MRPS27: variants seen among roughly 807,000 people sequenced by gnomAD.
MRPS27 encodes small ribosomal subunit protein mS27.
Under a neutral mutation model 48.9 loss-of-function variants are expected in MRPS27, and 43 were observed. The ratio of observed to expected loss-of-function variants is 0.88; its 90% CI spans 0.69 to 1.13. MRPS27 has a LOEUF of 1.13. Ranked by LOEUF, MRPS27 falls within the 50% of genes most tolerant of loss-of-function variation. The pLI is 0.00. For missense variants in MRPS27, 467 were observed against 476.3 expected (o/e 0.98, Z 0.18); for synonymous variants, 188 against 171.9 (o/e 1.09, Z -0.73).
intron 4 of MRPS27, among the ~76,000 whole-genome samples, chr5:72,272,711 G>A (rs540255730): frequency 2.0e-5 from 3 of 152,298 alleles, no homozygotes; most frequent in South Asian, 4.1e-4. Flanking sequence ...CTGTGAGTCT[G>A]CCATGGAACC....
chr5:72,241,721 A>T (rs1206696596), intron 4 of MRPS27: 1 of 1,531,726 alleles, frequency 6.5e-7, no homozygotes, highest in Non-Finnish European at 8.7e-7. Flanking sequence ...AAAAGAATAC[A>T]ACTAACACAT....
At chr5:72,294,560 A>T (rs1445922506) in intron 4 of MRPS27, 3 of 152,184 alleles carry the variant, frequency 2.0e-5, no homozygotes, top group African/African-American at 7.2e-5. Flanking sequence ...TACTTGTTTG[A>T]CCAGTTCTTT....
intron 8 of MRPS27, chr5:72,227,986 C>G: frequency 2.3e-6 from 1 of 441,110 alleles, no homozygotes; most frequent in East Asian, 3.4e-5. Context: ...CCAGAACATC[C>G]CTTTCTTTAT....
At chr5:72,221,964 C>A (rs1747756560) in intron 10 of MRPS27, among the ~76,000 whole-genome samples, 1 of 152,042 alleles carries the variant, frequency 6.6e-6, no homozygotes, top group Non-Finnish European at 1.5e-5. Flanking sequence ...AGAGAGAGGG[C>A]CACTTACGGG....
intron 4 of MRPS27, among the ~76,000 whole-genome samples, chr5:72,271,841 A>G (rs538880306): frequency 6.8e-4 from 103 of 152,324 alleles, no homozygotes; most frequent in African/African-American, 2.4e-3. Context: ...TTAAAAAAGG[A>G]GCACGTGCCA....
chr5:72,250,028 T>A (rs1354339960), intron 4 of MRPS27, among the ~76,000 whole-genome samples: 2 of 152,182 alleles, frequency 1.3e-5, no homozygotes, highest in African/African-American at 4.8e-5. Flanking sequence ...AAACTCCAAG[T>A]ATTTTTTGAG....
chr5:72,229,215 T>C (rs949694040), intron 7 of MRPS27: 1 of 152,178 alleles, frequency 6.6e-6, no homozygotes, highest in African/African-American at 2.4e-5. Context: ...TGCACTGGTC[T>C]CTGCACCAAG....
intron 2 of MRPS27, among the ~76,000 whole-genome samples, chr5:72,299,389 A>G (rs752427160): frequency 4.6e-5 from 7 of 152,118 alleles, no homozygotes; most frequent in Non-Finnish European, 8.8e-5. Flanking sequence ...AAGGAGACAC[A>G]AGCAAGTGTA....
chr5:72,238,116 G>T lies in MRPS27; in HGVS notation c.294C>A (p.Ser98Arg). 2 of 1,613,092 alleles carry T rather than the reference G, an allele frequency of 1.2e-6. No individual in the cohort carries two copies. Among genetic ancestry groups the T allele is most frequent in the Non-Finnish European group, 1.7e-6 (2 of 1,179,312 alleles). ...AEYYLYKFRH[S>R]PNCWYLRNWT... is the part of the protein sequence containing the mutation. Reference sequence around the variant, plus strand: ...AGTTTCTCAGGTACCAGCAGTTGGGGCTGTGTCGAAACCTAAATAAGCACA... The same window carrying T: ...AGTTTCTCAGGTACCAGCAGTTGGGTCTGTGTCGAAACCTAAATAAGCACA... Residue 98 changes from serine to arginine, a missense_variant, in exon 5 of 11, where the codon AGC becomes AGA. Transcript: ENST00000261413.
chr5:72,311,423 C>T lies in MRPS27; in HGVS notation c.151+2658G>A, dbSNP rs374753802. Among the ~76,000 whole-genome samples the T allele has an allele frequency of 3.3e-5, 5 of 152,288 alleles. No individual in the cohort carries two copies. The East Asian group carries it at 9.6e-4, about 29-fold the overall frequency. On this transcript the variant is annotated intron_variant, in intron 2 of 10. Transcript: ENST00000261413. Reference sequence around the variant, plus strand: ...GCGCTGTGGTTTAAATATTTGTCTCCTCTGAAACTCATGTTGAAATTTAAT... The same window carrying T: ...GCGCTGTGGTTTAAATATTTGTCTCTTCTGAAACTCATGTTGAAATTTAAT...
chr5:72,246,269 C>G (rs552253673), intron 4 of MRPS27, among the ~76,000 whole-genome samples: 1 of 152,102 alleles, frequency 6.6e-6, no homozygotes, highest in Non-Finnish European at 1.5e-5. Flanking sequence ...AAAGTTGAAG[C>G]CAAGAAGAAA....
At chr5:72,269,339 C>A (rs1445599169) in intron 4 of MRPS27, among the ~76,000 whole-genome samples, 1 of 152,186 alleles carries the variant, frequency 6.6e-6, no homozygotes, top group Non-Finnish European at 1.5e-5. Context: ...TTTCAGCCAC[C>A]ATCTCGCCCC....
At chr5:72,289,320 C>A (rs1010589833) in intron 4 of MRPS27, among the ~76,000 whole-genome samples, 7 of 152,224 alleles carry the variant, frequency 4.6e-5, no homozygotes, top group African/African-American at 1.7e-4. Flanking sequence ...GAGAAAAACT[C>A]ATCTTCCACT....
chr5:72,243,900 A>G (rs1460919098), intron 4 of MRPS27, among the ~76,000 whole-genome samples: 1 of 152,232 alleles, frequency 6.6e-6, no homozygotes, highest in Non-Finnish European at 1.5e-5. Context: ...CATGACCACA[A>G]TCAAGATAAG....
intron 4 of MRPS27, among the ~76,000 whole-genome samples, chr5:72,290,206 G>T (rs987673488): frequency 6.6e-6 from 1 of 152,160 alleles, no homozygotes; most frequent in African/African-American, 2.4e-5. Flanking sequence ...TGGAGGTTAT[G>T]GGGGGAAAGC....
intron 8 of MRPS27, among the ~76,000 whole-genome samples, chr5:72,226,473 C>T (rs1161377184): frequency 1.3e-5 from 2 of 151,978 alleles, no homozygotes; most frequent in African/African-American, 4.8e-5. Context: ...ATATATAAAC[C>T]ACTGGGCTGA....
At chr5:72,241,833 G>T in intron 4 of MRPS27, 1 of 698,104 alleles carries the variant, frequency 1.4e-6, no homozygotes. Context: ...TCCCCTCTGT[G>T]CGCCTATGCC....
At chr5:72,257,889 C>T (rs1412079856) in intron 4 of MRPS27, among the ~76,000 whole-genome samples, 2 of 151,940 alleles carry the variant, frequency 1.3e-5, no homozygotes, top group African/African-American at 2.4e-5. Flanking sequence ...TTGAGACCAG[C>T]CTGGCCAACA....
rs749702793 is a variant in MRPS27 at position 72,238,020 on chromosome 5, T to A, written c.390A>T (p.Val130=). The part of the protein sequence containing the change: ...DAQDKALYTL[V]NKVQYGIFPD... ...GATCCACGGAACAACTCACCTTATT[T>A]ACAAGGGTATATAGGGCTTTGTCTT... The change falls in exon 5 of 11, where the codon GTA becomes GTT. Residue 130 remains valine (V), a synonymous_variant. Transcript: ENST00000261413. 1.2e-6 allele frequency: 2 copies of A among 1,609,358 alleles called. No individual in the cohort carries two copies. Among genetic ancestry groups the A allele is most frequent in the South Asian group, 2.2e-5 (2 of 90,956 alleles).
Sources: gnomAD v4.1 joint callset for allele counts (sites outside exome capture counted in the v4.1 genomes callset) on GRCh38, gnomAD v4.1.1 for gene constraint, MANE v1.5 for transcripts, NCBI Gene and HGNC (gene_info 2026-07-23, HGNC 2026-07-21) for gene names.